The following KLRG1 variants were observed in gnomAD, a reference collection of about 807,000 sequenced individuals.
The protein encoded by KLRG1 is killer cell lectin like receptor G1.
Under a neutral mutation model 21.8 loss-of-function variants are expected in KLRG1, and 16 were observed. That is an observed-to-expected ratio of 0.73 (90% CI 0.50 to 1.11). KLRG1 has a LOEUF of 1.11. Among genes scored for constraint, KLRG1 ranks in the 50% most tolerant of loss-of-function variants. The pLI is 0.00. For missense variants in KLRG1, 173 were observed against 218.3 expected, an observed-to-expected ratio of 0.79 and a Z score of 1.31; for synonymous variants, 69 against 75.9, an observed-to-expected ratio of 0.91 and a Z score of 0.47.
chr12:9,139,413 A>G, the KLRG1 span, among the ~76,000 whole-genome samples: 3 of 152,248 alleles, frequency 2.0e-5, no homozygotes, highest in South Asian at 4.2e-4. Context: ...TGTTTGGTGG[A>G]ATATTCTGCA....
chr12:9,085,178 G>GACCT, the KLRG1 span, among the ~76,000 whole-genome samples: 2 of 151,934 alleles, frequency 1.3e-5, no homozygotes, highest in African/African-American at 2.4e-5. Context: ...AGATCAAATA[G>GACCT]ACCTAATGGA....
At chr12:9,207,122 G>A in the KLRG1 span, among the ~76,000 whole-genome samples, 2 of 152,134 alleles carry the variant, frequency 1.3e-5, no homozygotes, top group African/African-American at 4.8e-5. Flanking sequence ...TGCTTTCTGC[G>A]CTTTGGCCTG....
intron 1 of KLRG1, among the ~76,000 whole-genome samples, chr12:8,968,042 A>T (rs1946507134): frequency 6.6e-6 from 1 of 152,144 alleles, no homozygotes; most frequent in South Asian, 2.1e-4. Context: ...GCAATAATAA[A>T]GTAGAATCAT....
the KLRG1 span, chr12:9,068,224 T>C: frequency 6.2e-7 from 1 of 1,603,252 alleles, no homozygotes; most frequent in Non-Finnish European, 8.5e-7. Context: ...TGCAAACTCA[T>C]CTGAAAAAAA....
chr12:9,159,829 C>T, the KLRG1 span: 1 of 947,110 alleles, frequency 1.1e-6, no homozygotes, highest in South Asian at 1.7e-5. Flanking sequence ...TTATAAATTA[C>T]CTAGTTTCAG....
chr12:9,176,732 G>A, the KLRG1 span, among the ~76,000 whole-genome samples: 13 of 152,174 alleles, frequency 8.5e-5, no homozygotes, highest in South Asian at 4.1e-4. Context: ...AATTATGGAC[G>A]AGTAACTCCT....
chr12:9,020,888 A>G, the KLRG1 span, among the ~76,000 whole-genome samples: 5 of 152,196 alleles, frequency 3.3e-5, no homozygotes, highest in Non-Finnish European at 7.3e-5. Context: ...CATCGTGGCA[A>G]CATCATAGAA....
chr12:9,033,548 GCAGA>G, the KLRG1 span, among the ~76,000 whole-genome samples: 1 of 152,212 alleles, frequency 6.6e-6, no homozygotes, highest in Non-Finnish European at 1.5e-5. Flanking sequence ...CTTGCTGAAG[GCAGA>G]CAGAGTCTTA....
chr12:9,107,421 T>C, the KLRG1 span: 1 of 1,357,258 alleles, frequency 7.4e-7, no homozygotes, highest in Non-Finnish European at 1.0e-6. Context: ...CATGGAATTC[T>C]CTTCTAGATT....
the KLRG1 span, among the ~76,000 whole-genome samples, chr12:9,034,121 A>C: frequency 0.082 from 12,518 of 152,300 alleles, 814 homozygotes; most frequent in African/African-American, 0.18. Context: ...AAGCAGAACC[A>C]GTAGAAGAGA....
At chr12:9,200,913 G>A in the KLRG1 span, 2 of 1,613,128 alleles carry the variant, frequency 1.2e-6, no homozygotes, top group Middle Eastern at 3.3e-4. Flanking sequence ...ACGGTGAAGG[G>A]GTGCTGTATC....
chr12:9,059,995 T>TC, the KLRG1 span, among the ~76,000 whole-genome samples: 4 of 97,944 alleles, frequency 4.1e-5, no homozygotes, highest in African/African-American at 1.7e-4. Context: ...AGCCCTGGCA[T>TC]CTTTTTTTTT....
the KLRG1 span, among the ~76,000 whole-genome samples, chr12:9,094,170 CAGTGGCTTTG>C: frequency 6.6e-6 from 1 of 151,934 alleles, no homozygotes; most frequent in Non-Finnish European, 1.5e-5. Flanking sequence ...CATGTTATGA[CAGTGGCTTTG>C]AGAAACAGTT....
chr12:9,098,352 T>G, the KLRG1 span: 2 of 195,670 alleles, frequency 1.0e-5, no homozygotes, highest in Non-Finnish European at 1.0e-5. Context: ...TTTCATCACA[T>G]TTTGTCCTTT....
At chr12:8,965,378 G>T (rs1003343785) in intron 1 of KLRG1, among the ~76,000 whole-genome samples, 1 of 152,150 alleles carries the variant, frequency 6.6e-6, no homozygotes, top group African/African-American at 2.4e-5. Flanking sequence ...ATTCAATTAG[G>T]AAAAGAGGAA....
chr12:9,041,142 C>A, the KLRG1 span, among the ~76,000 whole-genome samples: 1 of 152,094 alleles, frequency 6.6e-6, no homozygotes, highest in Admixed American at 6.5e-5. Flanking sequence ...TCAAGACCAG[C>A]CTGGCCAACA....
At chr12:8,981,545 G>T (rs915127576) in intron 1 of KLRG1, among the ~76,000 whole-genome samples, 2 of 151,102 alleles carry the variant, frequency 1.3e-5, no homozygotes, top group Admixed American at 6.6e-5. Context: ...TTTAATTTCC[G>T]AATATTTAGG....
the KLRG1 span, chr12:9,093,455 A>C: frequency 6.3e-7 from 1 of 1,595,510 alleles, no homozygotes; most frequent in East Asian, 2.2e-5. Context: ...ATATGCAGGA[A>C]GTTACTTACT....
At chr12:9,070,451 A>T in the KLRG1 span, 1 of 1,405,752 alleles carries the variant, frequency 7.1e-7, no homozygotes, top group Non-Finnish European at 1.0e-6. Flanking sequence ...TACATCATTA[A>T]ATAAAATAGG....
Sources: allele counts gnomAD v4.1 joint callset (sites outside exome capture counted in the v4.1 genomes callset), GRCh38; gene constraint gnomAD v4.1.1; transcripts MANE v1.5; gene names NCBI Gene and HGNC (gene_info 2026-07-23, HGNC 2026-07-21).